The following SEMA5A variants were observed in gnomAD, a reference collection of about 807,000 sequenced individuals.
SEMA5A encodes the protein semaphorin-5A.
Under a neutral mutation model 135.5 loss-of-function variants are expected in SEMA5A, and 55 were observed. The observed-to-expected ratio is 0.41, with a 90% CI of 0.33 to 0.51. The LOEUF (loss-of-function observed/expected upper bound fraction) is 0.51, where lower values mean the gene tolerates loss of function less well. Ranked by LOEUF, SEMA5A falls within the 20% of genes least tolerant of loss-of-function variation. The pLI is 0.37. For synonymous variants in SEMA5A, 580 were observed against 546.5 expected (o/e 1.06, Z -0.85); for missense variants, 1,290 against 1,419.9 (o/e 0.91, Z 1.47).
intron 5 of SEMA5A, among the ~76,000 whole-genome samples, chr5:9,262,758 A>T (rs1749456620): frequency 1.0e-5 from 1 of 98,744 alleles, no homozygotes; most frequent in South Asian, 4.5e-4. Context: ...GGGTCGGGGG[A>T]GGGGGGAGGG....
chr5:9,237,029 C>T (rs1000552291), intron 6 of SEMA5A, among the ~76,000 whole-genome samples: 1 of 152,194 alleles, frequency 6.6e-6, no homozygotes, highest in Non-Finnish European at 1.5e-5. Context: ...CTAGGACCAA[C>T]TTTGCATAGC....
intron 1 of SEMA5A, among the ~76,000 whole-genome samples, chr5:9,509,656 A>G (rs954534036): frequency 3.9e-5 from 6 of 152,174 alleles, no homozygotes; most frequent in Admixed American, 1.3e-4. Context: ...GACTATCCAT[A>G]TGTACCCAAA....
intron 1 of SEMA5A, 53 bp from the exon 2 acceptor site, chr5:9,437,905 G>A (rs1758090529): frequency 6.6e-6 from 1 of 152,162 alleles, no homozygotes; most frequent in Admixed American, 6.5e-5. Context: ...AAGAGGATGT[G>A]GTCATTGGTC....
chr5:9,086,011 T>C (rs1434846803), intron 16 of SEMA5A, among the ~76,000 whole-genome samples: 1 of 152,210 alleles, frequency 6.6e-6, no homozygotes, highest in African/African-American at 2.4e-5. Flanking sequence ...TGCTGGATTT[T>C]GGATTTGCAT....
intron 5 of SEMA5A, among the ~76,000 whole-genome samples, chr5:9,300,139 T>C (rs1355363074): frequency 6.6e-6 from 1 of 152,128 alleles, no homozygotes; most frequent in Non-Finnish European, 1.5e-5. Flanking sequence ...GTGATCCTCC[T>C]GCCTTGGCCT....
At chr5:9,119,189 T>A in intron 14 of SEMA5A, 48 bp from the exon 15 acceptor site, 1 of 1,595,126 alleles carries the variant, frequency 6.3e-7, no homozygotes, top group Non-Finnish European at 8.5e-7. Context: ...AGGCTCAGAG[T>A]CCAAGCCCTG....
In SEMA5A at chr5:9,330,181, G is replaced by A. The variant is rs373082213; in HGVS notation, c.224+7532C>T. 4.5e-4 allele frequency among the ~76,000 whole-genome samples: 68 copies of A among 152,062 alleles called. 1 individual carries two copies. The South Asian group carries it at 0.013, about 30-fold the overall frequency. On this transcript the variant is annotated intron_variant, in intron 4 of 22. Transcript: ENST00000382496. ...CGAGGTGGGCGGATCGCCAGGTCAG[G>A]AGATTGAGACCATCCTGGCTAACAT...
At chr5:9,141,094 T>G (rs569228412) in intron 12 of SEMA5A, among the ~76,000 whole-genome samples, 1 of 152,226 alleles carries the variant, frequency 6.6e-6, no homozygotes, top group Non-Finnish European at 1.5e-5. Context: ...TAAAATATCA[T>G]GTATATTTAA....
chr5:9,277,896 C>T (rs963654860), intron 5 of SEMA5A, among the ~76,000 whole-genome samples: 3 of 151,916 alleles, frequency 2.0e-5, no homozygotes, highest in African/African-American at 4.8e-5. Flanking sequence ...CACCGTGGCA[C>T]GTGTATATGT....
chr5:9,122,303 T>G (rs2150184623), intron 14 of SEMA5A, among the ~76,000 whole-genome samples: 1 of 152,258 alleles, frequency 6.6e-6, no homozygotes, highest in South Asian at 2.1e-4. Context: ...TTCTTCTACC[T>G]CCTAACCTAG....
chr5:9,119,196 C>G, intron 14 of SEMA5A, 55 bp from the exon 15 acceptor site: 1 of 1,585,434 alleles, frequency 6.3e-7, no homozygotes, highest in South Asian at 1.1e-5. Context: ...GAGTCCAAGC[C>G]CTGTCTGCAC....
intron 11 of SEMA5A, among the ~76,000 whole-genome samples, chr5:9,161,943 T>C (rs1242178923): frequency 6.6e-6 from 1 of 152,174 alleles, no homozygotes; most frequent in African/African-American, 2.4e-5. Flanking sequence ...TGGAACCTGG[T>C]CTCTAAATCC....
chr5:9,163,820 C>T (rs546286128), intron 11 of SEMA5A, among the ~76,000 whole-genome samples: 1 of 151,802 alleles, frequency 6.6e-6, no homozygotes, highest in Non-Finnish European at 1.5e-5. Context: ...AGAAGGCAGC[C>T]ATCTGTAAGC....
chr5:9,112,258 T>A (rs904867548), intron 15 of SEMA5A, among the ~76,000 whole-genome samples: 1 of 152,250 alleles, frequency 6.6e-6, no homozygotes, highest in Non-Finnish European at 1.5e-5. Flanking sequence ...TCTAGTCTCT[T>A]ATGAAAATAA....
At chr5:9,249,680 C>T (rs921554272) in intron 5 of SEMA5A, among the ~76,000 whole-genome samples, 1 of 152,126 alleles carries the variant, frequency 6.6e-6, no homozygotes, top group Non-Finnish European at 1.5e-5. Flanking sequence ...GGAAAACATG[C>T]TGTGATCTTG....
At chr5:9,068,338 A>T (rs1208908862) in intron 16 of SEMA5A, among the ~76,000 whole-genome samples, 2 of 152,116 alleles carry the variant, frequency 1.3e-5, no homozygotes, top group African/African-American at 4.8e-5. Flanking sequence ...CAGAATCTTA[A>T]ACCTTTCCTG....
chr5:9,128,901 C>T (rs1055234142), intron 13 of SEMA5A, among the ~76,000 whole-genome samples: 5 of 152,092 alleles, frequency 3.3e-5, no homozygotes, highest in African/African-American at 9.7e-5. Context: ...CCCTGGCCTC[C>T]ACCCACTGGA....
intron 21 of SEMA5A, among the ~76,000 whole-genome samples, chr5:9,045,215 G>T (rs116168908): frequency 6.4e-4 from 97 of 152,298 alleles, no homozygotes; most frequent in African/African-American, 2.2e-3. Context: ...TCTGCTTCAA[G>T]TGCAGCCTAA....
At chr5:9,306,490 A>G (rs1751877949) in intron 5 of SEMA5A, among the ~76,000 whole-genome samples, 1 of 152,150 alleles carries the variant, frequency 6.6e-6, no homozygotes, top group African/African-American at 2.4e-5. Flanking sequence ...TAGAAAATTT[A>G]TTTGATTCTT....
Sources: gnomAD v4.1 joint callset for allele counts (sites outside exome capture counted in the v4.1 genomes callset) on GRCh38, gnomAD v4.1.1 for gene constraint, MANE v1.5 for transcripts, NCBI Gene and HGNC (gene_info 2026-07-23, HGNC 2026-07-21) for gene names.